CD58: variants seen among roughly 807,000 people sequenced by gnomAD.
CD58 encodes CD58 molecule, also known as lymphocyte function-associated antigen 3.
Under a neutral mutation model 27.6 loss-of-function variants are expected in CD58, and 14 were observed. The ratio of observed to expected loss-of-function variants is 0.51; its 90% CI spans 0.34 to 0.79. The LOEUF (loss-of-function observed/expected upper bound fraction) is 0.79, where lower values mean the gene tolerates loss of function less well. Among genes scored for constraint, CD58 ranks in the 30% least tolerant of loss-of-function variants. The pLI, the probability that CD58 is intolerant of heterozygous loss-of-function variation, is 0.02. For missense variants in CD58, 268 were observed against 301.7 expected (o/e 0.89, Z 0.83); for synonymous variants, 117 against 103.8 (o/e 1.13, Z -0.77).
intron 3 of CD58, 112 bp downstream of exon 3, chr1:116,535,840 CAAAAAAAAAAAAA>C (rs35445069): frequency 9.9e-5 from 15 of 151,620 alleles, no homozygotes; most frequent in South Asian, 2.2e-4. Flanking sequence ...GACTCTGTCT[CAAAAAAAAAAAAA>C]AAAAAAAAAA....
rs1306743112 is a variant in CD58 at position 116,570,785 on chromosome 1, G to T, written c.70+118C>A. 56 of 709,072 alleles carry T rather than the reference G, an allele frequency of 7.9e-5. No individual in the cohort carries two copies. The highest frequency in any genetic ancestry group is 6.1e-5 in the Non-Finnish European group (27 of 442,112). 43.9% of individuals were successfully genotyped at this position (709,072 alleles called of 1,614,324 possible). On this transcript the variant is annotated intron_variant, in intron 1 of 5. Transcript: ENST00000369489. The surrounding 1 kb of genome is among the most constrained non-coding windows in gnomAD (Gnocchi z 6.4). ...GGCTGAGTTGTTCCCGGCCCACAGC[G>T]ACCCGTCCCCACCCGTCTCTGATCG... is the stretch of plus-strand genomic sequence containing the variant.
In CD58 at chr1:116,536,912, G is replaced by T. The variant is rs1657828755; in HGVS notation, c.365-684C>A. Among the ~76,000 whole-genome samples the T allele has an allele frequency of 6.6e-6, 1 of 152,206 alleles. No homozygotes were observed. The highest frequency in any genetic ancestry group is 1.5e-5 in the Non-Finnish European group (1 of 68,046). ...CTGACCTGAATTAACACAAGGATTT[G>T]AGTCTTTCTCACTCACTTCAAATAT... is the stretch of plus-strand genomic sequence containing the variant. On this transcript the variant is annotated intron_variant, in intron 2 of 5. Transcript: ENST00000369489. The surrounding 1 kb of genome is among the most constrained non-coding windows in gnomAD (Gnocchi z 5.4).
Position 116,536,525 on chromosome 1 carries a change from G to T in CD58, c.365-297C>A, listed in dbSNP as rs140712726. Among the ~76,000 whole-genome samples, 59 of 152,184 alleles carry T rather than the reference G, an allele frequency of 3.9e-4. 1 individual carries two copies. The South Asian group carries it at 0.012, about 32-fold the overall frequency. Reference sequence around the variant, plus strand: ...CCTGGTGGGAGGTGATTGTACCATGGGGGATGGTTTCCCCATGCTATTCTA... The same window carrying T: ...CCTGGTGGGAGGTGATTGTACCATGTGGGATGGTTTCCCCATGCTATTCTA... On this transcript the variant is annotated intron_variant, in intron 2 of 5. Coordinates refer to ENST00000369489, the MANE Select transcript of CD58 (RefSeq NM_001779.3). The surrounding 1 kb of genome is among the most constrained non-coding windows in gnomAD (Gnocchi z 5.4).
At position 116,538,784 on chromosome 1, in the gene CD58, T is replaced by C. The variant is rs910555431; in HGVS notation, c.365-2556A>G. ...TGACTCACCTTTCAACCACAGCACA[T>C]GACATAATGCAAGGCACACAGATGG... On this transcript the variant is annotated intron_variant, in intron 2 of 5. Coordinates refer to ENST00000369489, the MANE Select transcript of CD58 (RefSeq NM_001779.3). The surrounding 1 kb of genome is among the most constrained non-coding windows in gnomAD (Gnocchi z 4.7). Among the ~76,000 whole-genome samples, 15 of 152,074 alleles carry C rather than the reference T, an allele frequency of 9.9e-5. No homozygotes were observed. Among genetic ancestry groups the C allele is most frequent in the Admixed American group, 8.5e-4 (13 of 15,266 alleles).
chr1:116,530,172 G>C (rs1436380505), intron 3 of CD58, among the ~76,000 whole-genome samples: 1 of 151,052 alleles, frequency 6.6e-6, no homozygotes, highest in East Asian at 1.9e-4. Context: ...GTGACCCTGG[G>C]CAAGTCACCC....
rs1432656667 is a variant in CD58 at position 116,534,621 on chromosome 1, C to T, written c.628+1344G>A. Among the ~76,000 whole-genome samples, 1 of 152,176 alleles carries T rather than the reference C, an allele frequency of 6.6e-6. No homozygotes were observed. The highest frequency in any genetic ancestry group is 2.4e-5 in the African/African-American group (1 of 41,456). On this transcript the variant is annotated intron_variant, in intron 3 of 5. Transcript: ENST00000369489. This position sits in a 1 kb window ranked among gnomAD's most constrained non-coding sequence, Gnocchi z 5.3. ...GCGCACCGGGTGCTGGGAGGGGCCG[C>T]TCCAGGCCCCAAGCCCCAGGCCCGC...
intron 2 of CD58, among the ~76,000 whole-genome samples, chr1:116,539,812 A>G (rs1657937197): frequency 6.6e-6 from 1 of 152,248 alleles, no homozygotes; most frequent in African/African-American, 2.4e-5. Context: ...CCACAGCTGT[A>G]TCTAACAAAT....
In CD58 at chr1:116,550,777, C is replaced by A. The variant is rs1380777244; in HGVS notation, c.71-6173G>T. On this transcript the variant is annotated intron_variant, in intron 1 of 5. Transcript: ENST00000369489. The surrounding 1 kb of genome is among the most constrained non-coding windows in gnomAD (Gnocchi z 4.2). ...GAATAATTATCTATGGCAGCTATAG[C>A]CTTACCAAGTGTATTCCTACATAAT... is the stretch of plus-strand genomic sequence containing the variant. Among the ~76,000 whole-genome samples the A allele has an allele frequency of 6.6e-6, 1 of 152,048 alleles. No homozygotes were observed. The highest frequency in any genetic ancestry group is 2.4e-5 in the African/African-American group (1 of 41,382).
At chr1:116,549,497 A>T (rs1206976072) in intron 1 of CD58, among the ~76,000 whole-genome samples, 1 of 152,218 alleles carries the variant, frequency 6.6e-6, no homozygotes, top group African/African-American at 2.4e-5. Flanking sequence ...CAAGGCATCA[A>T]ACAAACACAA....
In CD58 at chr1:116,524,768, T is replaced by C. The variant is rs924660794; in HGVS notation, c.629-2785A>G. The stretch of plus-strand genomic sequence containing the variant: ...TAAAACATTACAATTTTTTTCTTTA[T>C]AGTTCTTTTTATCCTTAGAATGCAG... On this transcript the variant is annotated intron_variant, in intron 3 of 5. Coordinates refer to ENST00000369489, the MANE Select transcript of CD58 (RefSeq NM_001779.3). The surrounding 1 kb of genome is among the most constrained non-coding windows in gnomAD (Gnocchi z 4.6). Among the ~76,000 whole-genome samples the C allele has an allele frequency of 4.2e-4, 64 of 152,248 alleles. 1 individual carries two copies. The highest frequency in any genetic ancestry group is 1.5e-3 in the African/African-American group (62 of 41,478).
chr1:116,539,720 C>T (rs1338786218), intron 2 of CD58, among the ~76,000 whole-genome samples: 1 of 152,180 alleles, frequency 6.6e-6, no homozygotes, highest in Non-Finnish European at 1.5e-5. Context: ...AGCCTTTCTG[C>T]AGCACCTAGA....
At chr1:116,555,766 G>A (rs1658539505) in intron 1 of CD58, among the ~76,000 whole-genome samples, 1 of 152,066 alleles carries the variant, frequency 6.6e-6, no homozygotes, top group Admixed American at 6.6e-5. Context: ...GAAGTATCCT[G>A]ATTTCTTATT....
At position 116,515,539 on chromosome 1, in the gene CD58, G is replaced by T; in HGVS notation, c.744-717C>A. 6.6e-6 allele frequency among the ~76,000 whole-genome samples: 1 copy of T among 152,302 alleles called. No individual in the cohort carries two copies. Among genetic ancestry groups the T allele is most frequent in the Admixed American group, 6.5e-5 (1 of 15,304 alleles). On this transcript the variant is annotated intron_variant, in intron 5 of 5. Coordinates refer to ENST00000369489, the MANE Select transcript of CD58 (RefSeq NM_001779.3). The surrounding 1 kb of genome is among the most constrained non-coding windows in gnomAD (Gnocchi z 4.6). ...TGAAATGGGTGCTGTGACTTTCTGA[G>T]GGGGATAAAGTGGGAAATGTTTGTA...
intron 1 of CD58, among the ~76,000 whole-genome samples, chr1:116,567,866 G>A (rs1658993081): frequency 6.6e-6 from 1 of 152,018 alleles, no homozygotes; most frequent in Non-Finnish European, 1.5e-5. Flanking sequence ...CCAATAATGT[G>A]ACAAACAGAC....
Position 116,544,312 on chromosome 1 carries a change from A to C in CD58, c.363T>G (p.Leu121=), listed in dbSNP as rs746446135. 1.3e-6 allele frequency: 2 copies of C among 1,592,086 alleles called. No homozygotes were observed. The highest frequency in any genetic ancestry group is 1.7e-6 in the Non-Finnish European group (2 of 1,171,090). The part of the protein sequence containing the change: ...TDTMKFFLYV[L]ESLPSPTLTC... ...CAAATCAACTTATGGAATACTCACCAAGCACATAAAGAAAGAACTTCATGG... is the reference window on the plus strand; with the variant it reads ...CAAATCAACTTATGGAATACTCACCCAGCACATAAAGAAAGAACTTCATGG... The change falls in exon 2 of 6, where the codon CTT becomes CTG. Residue 121 remains leucine (L), a splice_region_variant and synonymous_variant. Coordinates refer to ENST00000369489, the MANE Select transcript of CD58 (RefSeq NM_001779.3).
intron 1 of CD58, among the ~76,000 whole-genome samples, chr1:116,551,615 T>C (rs946325010): frequency 2.0e-5 from 3 of 152,252 alleles, no homozygotes; most frequent in Non-Finnish European, 2.9e-5. Context: ...TATTTATGTG[T>C]TCACTGAAGT....
chr1:116,529,262 G>C (rs1657521969), intron 3 of CD58, among the ~76,000 whole-genome samples: 1 of 152,160 alleles, frequency 6.6e-6, no homozygotes, highest in Non-Finnish European at 1.5e-5. Context: ...TTCTGACCTT[G>C]AGATCTCTGA....
In CD58 at chr1:116,519,861, C is replaced by T. The variant is rs1396303034; in HGVS notation, c.707-594G>A. On this transcript the variant is annotated intron_variant, in intron 4 of 5. Coordinates refer to ENST00000369489, the MANE Select transcript of CD58 (RefSeq NM_001779.3). The surrounding 1 kb of genome is among the most constrained non-coding windows in gnomAD (Gnocchi z 4.7). ...TGTAGCTCATGGCTACTATTTCAGACATTAAGACACTGCTCCCACACATGC... is the reference window on the plus strand; with the variant it reads ...TGTAGCTCATGGCTACTATTTCAGATATTAAGACACTGCTCCCACACATGC... 1.3e-5 allele frequency among the ~76,000 whole-genome samples: 2 copies of T among 152,206 alleles called. No homozygotes were observed. Among genetic ancestry groups the T allele is most frequent in the Non-Finnish European group, 2.9e-5 (2 of 68,040 alleles).
intron 1 of CD58, among the ~76,000 whole-genome samples, chr1:116,566,833 T>C (rs1471109442): frequency 6.6e-6 from 1 of 151,766 alleles, no homozygotes; most frequent in Non-Finnish European, 1.5e-5. Flanking sequence ...CTAATAAATA[T>C]ATATATAGAG....
Sources: gnomAD v4.1 joint callset for allele counts (sites outside exome capture counted in the v4.1 genomes callset) on GRCh38, gnomAD v4.1.1 for gene constraint, Gnocchi (gnomAD v3.1) non-coding constraint, MANE v1.5 for transcripts, NCBI Gene and HGNC (gene_info 2026-07-23, HGNC 2026-07-21) for gene names.